Variants in TJP1 observed in about 807,000 individuals in gnomAD.
TJP1 encodes tight junction protein ZO-1.
A neutral mutation model predicts 194.2 loss-of-function variants in TJP1; 43 were observed. The ratio of observed to expected loss-of-function variants is 0.22; its 90% confidence interval spans 0.17 to 0.29. The LOEUF (loss-of-function observed/expected upper bound fraction) is 0.29. Ranked by LOEUF, TJP1 falls within the 10% of genes least tolerant of loss-of-function variation. TJP1 has a pLI of 1.00. For synonymous variants in TJP1, 801 were observed against 779.0 expected (o/e 1.03, Z -0.47); for missense variants, 1,971 against 2,185.7 (o/e 0.90, Z 1.96).
intron 8 of TJP1, chr15:29,760,234 G>A (rs1176553268): frequency 8.5e-6 from 6 of 702,174 alleles, no homozygotes; most frequent in African/African-American, 5.2e-5. Context: ...CAATTGCTGC[G>A]TGTATGTGCA....
At position 29,718,658 on chromosome 15, in the gene TJP1, C is replaced by T. The variant is rs1409520493; in HGVS notation, c.3484G>A (p.Ala1162Thr). ...CTACCATGTGTGTCATACCCAGGAG[C>T]TGGCTGCTCTTCGTGCCGCAGGGCG... ...ASALRHEEQP[A>T]PGYDTHGRLR... The change falls in exon 21 of 28, where the codon GCT (alanine) becomes ACT (threonine). Residue 1162 changes from alanine to threonine, a missense_variant. Transcript: ENST00000614355. 4 of 1,614,178 alleles carry T rather than the reference C, an allele frequency of 2.5e-6. No individual in the cohort carries two copies. The highest frequency in any genetic ancestry group is 3.4e-6 in the Non-Finnish European group (4 of 1,180,036).
intron 1 of TJP1, among the ~76,000 whole-genome samples, chr15:29,820,987 T>C (rs989342821): frequency 1.3e-5 from 2 of 152,170 alleles, no homozygotes; most frequent in South Asian, 2.1e-4. Flanking sequence ...CAAACAAAAA[T>C]ACACACAGAA....
Position 29,873,232 on chromosome 15 carries a change from A to G in TJP1, c.307-72530T>C, listed in dbSNP as rs117074704. On this transcript the variant is annotated intron_variant, in intron 2 of 28. Coordinates refer to the TJP1 transcript ENST00000356107. Reference sequence around the variant, plus strand: ...CATTTCTTTTGAGGTCCGTTTAGCAAAAGAATTTCTTATTAAATAGACAAC... The same window carrying G: ...CATTTCTTTTGAGGTCCGTTTAGCAGAAGAATTTCTTATTAAATAGACAAC... 4.7e-3 allele frequency among the ~76,000 whole-genome samples: 714 copies of G among 152,322 alleles called. 5 individuals carry two copies. The highest frequency in any genetic ancestry group is 7.8e-3 in the Non-Finnish European group (533 of 68,026).
intron 23 of TJP1, 123 bp from the exon 24 acceptor site, chr15:29,711,123 A>T: frequency 8.6e-7 from 1 of 1,163,664 alleles, no homozygotes; most frequent in Admixed American, 2.8e-5. Context: ...ATTTATTCTC[A>T]TGAGTATGGG....
chr15:29,911,916 A>C (rs1320936800), intron 2 of TJP1, among the ~76,000 whole-genome samples: 1 of 152,218 alleles, frequency 6.6e-6, no homozygotes, highest in Non-Finnish European at 1.5e-5. Context: ...AAAATAAGGC[A>C]TGATTTGGAT....
chr15:29,908,485 TC>T, intron 2 of TJP1, among the ~76,000 whole-genome samples: 1 of 152,262 alleles, frequency 6.6e-6, no homozygotes, highest in South Asian at 2.1e-4. Flanking sequence ...TCATTGTACC[TC>T]CCTTGACACT....
At chr15:29,768,811 G>A (rs2046474199) in intron 4 of TJP1, among the ~76,000 whole-genome samples, 1 of 151,820 alleles carries the variant, frequency 6.6e-6, no homozygotes, top group African/African-American at 2.4e-5. Context: ...TTAACACTAT[G>A]AAAAATTTGG....
chr15:29,734,204 TG>T (rs928858981), intron 12 of TJP1, 69 bp downstream of exon 12: 1 of 1,071,284 alleles, frequency 9.3e-7, no homozygotes, highest in Non-Finnish European at 1.4e-6. Context: ...TTTTTAAAAA[TG>T]GAATAAATCC....
At chr15:29,750,867 C>G (rs1406331305) in intron 8 of TJP1, among the ~76,000 whole-genome samples, 2 of 152,178 alleles carry the variant, frequency 1.3e-5, no homozygotes, top group African/African-American at 4.8e-5. Flanking sequence ...AGCTACTAAT[C>G]CCTTTAAAAG....
At position 29,718,781 on chromosome 15, in the gene TJP1, C is replaced by T. The variant is rs374354747; in HGVS notation, c.3361G>A (p.Glu1121Lys). Residue 1121 changes from glutamate to lysine, a missense_variant, in exon 21 of 28, where the codon GAA becomes AAA. Physicochemically the swap from Glu to Lys is moderately conservative, Grantham distance 56 (BLOSUM62 1). Around this residue, in one of 5 missense-constraint regions of TJP1, gnomAD observed 1,108 missense variants for 1,128.5 expected, o/e 0.98. Transcript: ENST00000614355. ...SQDLDSRQHP[E>K]ESSERGYFPR... is the part of the protein sequence containing the mutation. The stretch of plus-strand genomic sequence containing the variant: ...AAGTACCCTCGTTCTGAGGACTCTT[C>T]GGGATGCTGTCTGGAGTCAAGGTCT... 2.7e-5 allele frequency: 43 copies of T among 1,614,122 alleles called. No individual in the cohort carries two copies. Among genetic ancestry groups the T allele is most frequent in the East Asian group, 4.5e-5 (2 of 44,860 alleles).
chr15:29,830,211 A>T (rs2050794400), intron 2 of TJP1, among the ~76,000 whole-genome samples: 1 of 151,862 alleles, frequency 6.6e-6, no homozygotes, highest in African/African-American at 2.4e-5. Context: ...TAATAACACT[A>T]TTACTCTGAA....
intron 1 of TJP1, among the ~76,000 whole-genome samples, chr15:29,813,628 A>C (rs1039844562): frequency 2.6e-5 from 4 of 152,226 alleles, no homozygotes; most frequent in Non-Finnish European, 5.9e-5. Context: ...AGAATGCATA[A>C]TTAGGTGGTA....
In TJP1 at chr15:29,787,365, A is replaced by T. The variant is rs374710732; in HGVS notation, c.84+13281T>A. Among the ~76,000 whole-genome samples, 36 of 152,320 alleles carry T rather than the reference A, an allele frequency of 2.4e-4. No individual in the cohort carries two copies. In the East Asian group the frequency reaches 5.2e-3, roughly 22 times the overall value. ...CCTCTTTGAAGAAAACACAGGAATA[A>T]ATCTTCATGACCTGAGTTAGGCAAC... On this transcript the variant is annotated intron_variant, in intron 2 of 27. Coordinates refer to ENST00000614355, the MANE Select transcript of TJP1 (RefSeq NM_001330239.4).
At chr15:29,826,308 CA>C (rs1362696842), upstream of TJP1, among the ~76,000 whole-genome samples, 3 of 152,116 alleles carry the variant, frequency 2.0e-5, no homozygotes, top group African/African-American at 7.2e-5. Flanking sequence ...AAATATTGCA[CA>C]ACCAGGCAGG....
At chr15:29,943,223 A>G (rs2055145183) in intron 2 of TJP1, among the ~76,000 whole-genome samples, 2 of 152,162 alleles carry the variant, frequency 1.3e-5, no homozygotes, top group Non-Finnish European at 2.9e-5. Context: ...CTTTTTTAAA[A>G]CATGCATTCA....
chr15:29,866,615 T>C (rs1171315414), intron 2 of TJP1, among the ~76,000 whole-genome samples: 3 of 152,166 alleles, frequency 2.0e-5, no homozygotes, highest in Non-Finnish European at 4.4e-5. Flanking sequence ...TACTGTATAT[T>C]TATGCAGAAA....
chr15:29,952,598 A>G (rs2152309766), intron 2 of TJP1, among the ~76,000 whole-genome samples: 1 of 152,318 alleles, frequency 6.6e-6, no homozygotes, highest in East Asian at 1.9e-4. Flanking sequence ...TTCTAAAAGC[A>G]ATAAAAGTTG....
intron 2 of TJP1, among the ~76,000 whole-genome samples, chr15:29,924,208 G>C (rs2054455417): frequency 6.6e-6 from 1 of 152,094 alleles, no homozygotes; most frequent in Non-Finnish European, 1.5e-5. Flanking sequence ...CCAAGTAGCT[G>C]AGACTACAGG....
intron 4 of TJP1, among the ~76,000 whole-genome samples, chr15:29,771,784 G>A (rs932255850): frequency 1.2e-4 from 18 of 147,314 alleles, no homozygotes; most frequent in African/African-American, 2.8e-4. Flanking sequence ...CAGCTTGGGC[G>A]ACAGAGCGAG....
Sources: allele counts gnomAD v4.1 joint callset (sites outside exome capture counted in the v4.1 genomes callset), GRCh38; gene constraint gnomAD v4.1.1; regional missense constraint gnomAD v4.1.1; transcripts MANE v1.5; gene names NCBI Gene and HGNC (gene_info 2026-07-23, HGNC 2026-07-21).